GAS7: variants seen among roughly 807,000 people sequenced by gnomAD.
The protein encoded by GAS7 is growth arrest specific 7.
In GAS7, 28 loss-of-function variants were observed where a neutral mutation model predicts 71.1. The ratio of observed to expected loss-of-function variants is 0.39; its 90% CI spans 0.29 to 0.54. GAS7 has a LOEUF of 0.54. Ranked by LOEUF, GAS7 falls within the 20% of genes least tolerant of loss-of-function variation. The probability of loss-of-function intolerance (pLI) is 0.62; values close to 1 mark genes in which losing one functional copy is unlikely to be tolerated. For missense variants in GAS7, 436 were observed against 627.8 expected (o/e 0.69, Z 3.27); for synonymous variants, 258 against 245.8 (o/e 1.05, Z -0.46).
chr17:10,197,691 C>T (rs1332742142), intron 1 of GAS7, among the ~76,000 whole-genome samples: 1 of 151,902 alleles, frequency 6.6e-6, no homozygotes, highest in Non-Finnish European at 1.5e-5. Context: ...GGCCAGCAGG[C>T]TCGGCTGACC....
Position 9,982,824 on chromosome 17 carries a change from GGAAAGAAAGAAAGAAA to G in GAS7, c.305-956_305-941del, listed in dbSNP as rs56351503. ...AAAGAAAGGAAAGAAAGGAAAGAAA[GGAAAGAAAGAAAGAAA>G]GAAAGAAAGAAAGAAAGAAAGAAAG... On this transcript the variant is annotated intron_variant, in intron 2 of 13. Transcript: ENST00000432992. Among the ~76,000 whole-genome samples, 1,024 of 116,266 alleles carry G rather than the reference GGAAAGAAAGAAAGAAA, an allele frequency of 8.8e-3. 16 individuals carry two copies. Among genetic ancestry groups the G allele is most frequent in the African/African-American group, 0.032 (808 of 25,172 alleles). 76.3% of individuals were successfully genotyped at this position (116,266 alleles called of 152,430 possible).
chr17:9,956,371 C>T (rs1597539162), intron 5 of GAS7, among the ~76,000 whole-genome samples: 1 of 152,256 alleles, frequency 6.6e-6, no homozygotes, highest in Non-Finnish European at 1.5e-5. Flanking sequence ...CCAGCCCCTA[C>T]CCCGGGTTCT....
At chr17:10,130,691 A>C (rs1204108461) in intron 1 of GAS7, among the ~76,000 whole-genome samples, 3 of 152,238 alleles carry the variant, frequency 2.0e-5, no homozygotes, top group Non-Finnish European at 4.4e-5. Context: ...TGAAGTCCTA[A>C]TACATGCTAC....
At chr17:10,014,875 C>T (rs1420461219) in intron 2 of GAS7, among the ~76,000 whole-genome samples, 1 of 152,068 alleles carries the variant, frequency 6.6e-6, no homozygotes, top group African/African-American at 2.4e-5. Context: ...GATTAGCCAG[C>T]CAGGTGCGGT....
intron 1 of GAS7, chr17:10,039,810 G>C: frequency 2.2e-6 from 1 of 452,516 alleles, no homozygotes; most frequent in Non-Finnish European, 4.4e-6. Context: ...TGTCAATCGA[G>C]GGATTTTCCG....
At chr17:9,933,437 C>T (rs975886940) in intron 9 of GAS7, among the ~76,000 whole-genome samples, 3 of 152,110 alleles carry the variant, frequency 2.0e-5, no homozygotes, top group African/African-American at 7.2e-5. Context: ...CCCAGTGGCT[C>T]CCAAGAGCTG....
intron 1 of GAS7, among the ~76,000 whole-genome samples, chr17:10,080,695 A>G (rs954379442): frequency 3.9e-5 from 6 of 152,254 alleles, no homozygotes; most frequent in Non-Finnish European, 7.3e-5. Context: ...AATTAATCTC[A>G]AAACGTAGTG....
chr17:10,139,187 G>A lies in GAS7; in HGVS notation c.183+59021C>T, dbSNP rs1195205398. 3.3e-5 allele frequency among the ~76,000 whole-genome samples: 5 copies of A among 152,150 alleles called. No individual in the cohort carries two copies. The East Asian group carries it at 9.6e-4, about 29-fold the overall frequency. ...CCAGAGGAATTCCCACTAAAGACAGGAACACAGCTATTTATTAGCAACATT... is the reference window on the plus strand; with the variant it reads ...CCAGAGGAATTCCCACTAAAGACAGAAACACAGCTATTTATTAGCAACATT... On this transcript the variant is annotated intron_variant, in intron 1 of 13. Coordinates refer to ENST00000432992, the MANE Select transcript of GAS7 (RefSeq NM_201433.2).
chr17:10,016,987 C>T (rs991954338), intron 2 of GAS7, among the ~76,000 whole-genome samples: 1 of 147,296 alleles, frequency 6.8e-6, no homozygotes, highest in East Asian at 2.0e-4. Context: ...AGAAATCAGC[C>T]GGGCGTGATG....
chr17:9,940,211 A>G lies in GAS7; in HGVS notation c.732-11T>C. The G allele has an allele frequency of 6.2e-7, 1 of 1,609,074 alleles. No individual in the cohort carries two copies. Among genetic ancestry groups the G allele is most frequent in the Non-Finnish European group, 8.5e-7 (1 of 1,175,348 alleles). On this transcript the variant is annotated splice_polypyrimidine_tract_variant and intron_variant, in intron 7 of 13. Coordinates refer to ENST00000432992, the MANE Select transcript of GAS7 (RefSeq NM_201433.2). The stretch of plus-strand genomic sequence containing the variant: ...TCTTCAATCTTTATCCTGCAAAGAG[A>G]GAAAACCCAACACACATCAGCTCTC...
chr17:9,982,058 C>A (rs2070431905), intron 2 of GAS7, among the ~76,000 whole-genome samples, 174 bp from the exon 3 acceptor site: 1 of 152,212 alleles, frequency 6.6e-6, no homozygotes, highest in African/African-American at 2.4e-5. Flanking sequence ...CCATCCATCT[C>A]CCTTCCTGGC....
At chr17:10,160,273 A>T (rs577082698) in intron 1 of GAS7, among the ~76,000 whole-genome samples, 32 of 147,914 alleles carry the variant, frequency 2.2e-4, no homozygotes, top group East Asian at 5.8e-4. Context: ...AAATTGTATT[A>T]AAAAAAAAGG....
At chr17:9,964,402 C>T (rs1036141431) in intron 4 of GAS7, among the ~76,000 whole-genome samples, 2 of 152,172 alleles carry the variant, frequency 1.3e-5, no homozygotes, top group African/African-American at 4.8e-5. Context: ...GTTAGGATAA[C>T]CCCTGAGCTC....
chr17:9,938,553 T>C (rs1318977765), intron 8 of GAS7, among the ~76,000 whole-genome samples: 1 of 148,614 alleles, frequency 6.7e-6, no homozygotes, highest in Non-Finnish European at 1.5e-5. Flanking sequence ...AAAGGCTGCA[T>C]GAACACACAA....
intron 1 of GAS7, among the ~76,000 whole-genome samples, chr17:10,107,851 C>A (rs528471019): frequency 6.0e-5 from 9 of 151,234 alleles, no homozygotes; most frequent in African/African-American, 1.9e-4. Context: ...GTAGGAGAAC[C>A]ACCTTACACA....
chr17:10,137,124 A>AAGAG lies in GAS7; in HGVS notation c.183+61080_183+61083dup, dbSNP rs142234371. On this transcript the variant is annotated intron_variant, in intron 1 of 13. Transcript: ENST00000432992. ...GCGAGACCCAGCTTAAAAAGAAAAA[A>AAGAG]AGAGAGAGAGAGAGACCGCAAATAC... Among the ~76,000 whole-genome samples, 475 of 150,522 alleles carry AAGAG rather than the reference A, an allele frequency of 3.2e-3. 4 individuals carry two copies. The highest frequency in any genetic ancestry group is 9.5e-3 in the East Asian group (48 of 5,048).
At position 10,143,542 on chromosome 17, in the gene GAS7, C is replaced by CA. The variant is rs35511428; in HGVS notation, c.183+54665dup. ...GGGCAACGAGAGAAAAATTCCGTCT[C>CA]AAAAAAAAAAAAAAAAAATTGGACA... is the stretch of plus-strand genomic sequence containing the variant. On this transcript the variant is annotated intron_variant, in intron 1 of 13. Transcript: ENST00000432992. Among the ~76,000 whole-genome samples, 446 of 135,828 alleles carry CA rather than the reference C, an allele frequency of 3.3e-3. 3 individuals carry two copies. The highest frequency in any genetic ancestry group is 7.4e-3 in the Middle Eastern group (2 of 272). 89.1% of individuals were successfully genotyped at this position (135,828 alleles called of 152,430 possible).
At chr17:10,030,080 A>G (rs16959244) in intron 1 of GAS7, among the ~76,000 whole-genome samples, 28,560 of 151,884 alleles carry the variant, frequency 0.19, 3,405 homozygotes, top group African/African-American at 0.34. Flanking sequence ...TCTCATGTCC[A>G]CTCTTGTCTT....
intron 1 of GAS7, among the ~76,000 whole-genome samples, chr17:10,164,432 C>G (rs1383890138): frequency 1.4e-5 from 2 of 138,464 alleles, no homozygotes; most frequent in Non-Finnish European, 3.1e-5. Context: ...CAAAGTGAGA[C>G]TCTGTCTCAA....
Sources: gnomAD v4.1 joint callset for allele counts (sites outside exome capture counted in the v4.1 genomes callset) on GRCh38, gnomAD v4.1.1 for gene constraint, MANE v1.5 for transcripts, NCBI Gene and HGNC (gene_info 2026-07-23, HGNC 2026-07-21) for gene names.